SLC30A1: variants seen among roughly 807,000 people sequenced by gnomAD.
The protein encoded by SLC30A1 is solute carrier family 30 member 1, also known as proton-coupled zinc antiporter SLC30A1.
In SLC30A1, 7 loss-of-function variants were observed where a neutral mutation model predicts 29.8. That is an observed-to-expected ratio of 0.23 (90% CI 0.13 to 0.44). SLC30A1 has a LOEUF of 0.44. Ranked by LOEUF, SLC30A1 falls within the 20% of genes least tolerant of loss-of-function variation. The pLI is 1.00. For synonymous variants in SLC30A1, 254 were observed against 253.5 expected (o/e 1.00, Z -0.02); for missense variants, 446 against 647.9 (o/e 0.69, Z 3.38).
In SLC30A1 at chr1:211,575,434, A is replaced by G. The variant is rs1211552307; in HGVS notation, c.1478T>C (p.Ile493Thr). 3 of 1,610,902 alleles carry G rather than the reference A, an allele frequency of 1.9e-6. No homozygotes were observed. In the African/African-American group the frequency reaches 4.0e-5, roughly 22 times the overall value. The change falls in exon 2 of 2, where the codon ATA becomes ACA. Residue 493 changes from isoleucine to threonine, a missense_variant. Ile to Thr is a moderately conservative substitution (Grantham distance 89). Around this residue, in one of 5 missense-constraint regions of SLC30A1, gnomAD observed 187 missense variants for 312.7 expected, o/e 0.60. Transcript: ENST00000367001. This position sits in a 1 kb window ranked among gnomAD's most constrained non-coding sequence, Gnocchi z 6.0. ...TKAENIPAVV[I>T]EIKNMPNKQP... ...TTTGTTTGGCATGTTTTTAATCTCTATCACAACAGCAGGGATGTTTTCAGC... is the reference window on the plus strand; with the variant it reads ...TTTGTTTGGCATGTTTTTAATCTCTGTCACAACAGCAGGGATGTTTTCAGC...
Position 211,574,907 on chromosome 1 carries a change from T to C in SLC30A1, c.*481A>G, listed in dbSNP as rs1162684397. Reference sequence around the variant, plus strand: ...AGTCACTCTTAAAATATGCTGCCATTATGCTATGTAATGATCTCAAAGGGC... The same window carrying C: ...AGTCACTCTTAAAATATGCTGCCATCATGCTATGTAATGATCTCAAAGGGC... On this transcript the variant is annotated 3_prime_UTR_variant, in exon 2 of 2. Coordinates refer to ENST00000367001, the MANE Select transcript of SLC30A1 (RefSeq NM_021194.3). The C allele has an allele frequency of 6.5e-6, 1 of 154,542 alleles. No individual in the cohort carries two copies. Among genetic ancestry groups the C allele is most frequent in the Non-Finnish European group, 1.4e-5 (1 of 69,594 alleles). 9.6% of individuals were successfully genotyped at this position (154,542 alleles called of 1,614,324 possible). A position where few individuals can be genotyped will look rare whatever the true frequency, so the allele number is the denominator to read the frequency against.
Position 211,576,275 on chromosome 1 carries a change from TG to T in SLC30A1, c.636del (p.Arg213GlufsTer10). ...TGTACTTCCACTGTATCACCACTTCTGGGGTTTTCTGGGTCTACAAAGAAAT... is the reference window on the plus strand; with the variant it reads ...TGTACTTCCACTGTATCACCACTTCTGGGTTTTCTGGGTCTACAAAGAAAT... The part of the protein sequence containing the change: ...LKLDPADPEN[P>X]RSGDTVEVQV... On this transcript the variant is annotated frameshift_variant, in exon 2 of 2. Transcript: ENST00000367001. LOFTEE classifies it high-confidence loss of function. 6.4e-7 allele frequency: 1 copy of T among 1,573,124 alleles called. No individual in the cohort carries two copies. Among genetic ancestry groups the T allele is most frequent in the Non-Finnish European group, 8.6e-7 (1 of 1,162,934 alleles).
In SLC30A1 at chr1:211,578,237, C is replaced by T. The variant is rs761237592; in HGVS notation, c.376G>A (p.Val126Ile). The T allele has an allele frequency of 1.9e-6, 3 of 1,611,822 alleles. No individual in the cohort carries two copies. Among genetic ancestry groups the T allele is most frequent in the African/African-American group, 2.7e-5 (2 of 75,042 alleles). The change falls in exon 1 of 2, where the codon GTC (valine) becomes ATC (isoleucine). Residue 126 changes from valine to isoleucine, a missense_variant. Transcript: ENST00000367001. ...VLGVGVAGLL[V>I]NVLGLCLFHH... is the part of the protein sequence containing the mutation. Reference sequence around the variant, plus strand: ...AAGAGGCAGAGCCCCAGCACGTTGACCAGCAGCCCGGCCACGCCGACCCCA... The same window carrying T: ...AAGAGGCAGAGCCCCAGCACGTTGATCAGCAGCCCGGCCACGCCGACCCCA...
chr1:211,575,499 T>C lies in SLC30A1; in HGVS notation c.1413A>G (p.Glu471=), dbSNP rs749019296. Residue 471 remains glutamate (E), a synonymous_variant, in exon 2 of 2, where the codon GAA becomes GAG. Transcript: ENST00000367001. This position sits in a 1 kb window ranked among gnomAD's most constrained non-coding sequence, Gnocchi z 6.0. The part of the protein sequence containing the change: ...KTPAVSISCL[E]LSNNLEKKPR... ...GCTTCTTCTCTAGATTGTTACTAAG[T>C]TCTAAACAAGAAATGCTAACTGCTG... is the stretch of plus-strand genomic sequence containing the variant. 5 of 1,614,196 alleles carry C rather than the reference T, an allele frequency of 3.1e-6. No homozygotes were observed. The South Asian group carries it at 4.4e-5, about 14-fold the overall frequency.
In SLC30A1 at chr1:211,577,738, C is replaced by T. The variant is rs968486856; in HGVS notation, c.622+253G>A. ...TGATGATCACCTCCTGACCCTTTTT[C>T]TTAGGGTCTGACCCACAGCCCCCAC... On this transcript the variant is annotated intron_variant, in intron 1 of 1. Transcript: ENST00000367001. This position sits in a 1 kb window ranked among gnomAD's most constrained non-coding sequence, Gnocchi z 4.5. Among the ~76,000 whole-genome samples the T allele has an allele frequency of 6.6e-6, 1 of 152,224 alleles. No homozygotes were observed. The highest frequency in any genetic ancestry group is 2.4e-5 in the African/African-American group (1 of 41,444).
At position 211,578,208 on chromosome 1, in the gene SLC30A1, G is replaced by C. The variant is rs1368436085; in HGVS notation, c.405C>G (p.His135Gln). The change falls in exon 1 of 2, where the codon CAC (histidine) becomes CAG (glutamine). Residue 135 changes from histidine (H) to glutamine (Q), a missense_variant. By Grantham distance (24) the His-to-Gln change is conservative. This residue lies in a region of SLC30A1 where 159 missense variants were observed against 161.1 expected (regional missense o/e 0.99). Coordinates refer to ENST00000367001, the MANE Select transcript of SLC30A1 (RefSeq NM_021194.3). ...AGTCCTGGCTGAAGCCGCTGTGATGGTGGAAGAGGCAGAGCCCCAGCACGT... is the reference window on the plus strand; with the variant it reads ...AGTCCTGGCTGAAGCCGCTGTGATGCTGGAAGAGGCAGAGCCCCAGCACGT... ...LVNVLGLCLFHHHSGFSQDSG... is the reference protein window; with the variant it reads ...LVNVLGLCLFQHHSGFSQDSG... 1.2e-6 allele frequency: 2 copies of C among 1,611,226 alleles called. No homozygotes were observed. Among genetic ancestry groups the C allele is most frequent in the East Asian group, 4.5e-5 (2 of 44,810 alleles).
rs1706688394 is a variant in SLC30A1 at position 211,574,065 on chromosome 1, T to C, written c.*1323A>G. The C allele has an allele frequency of 2.0e-5, 3 of 152,510 alleles. No homozygotes were observed. The South Asian group carries it at 6.2e-4, about 32-fold the overall frequency. 9.4% of individuals were successfully genotyped at this position (152,510 alleles called of 1,614,324 possible). A position where few individuals can be genotyped will look rare whatever the true frequency, so the allele number is the denominator to read the frequency against. On this transcript the variant is annotated 3_prime_UTR_variant, in exon 2 of 2. Coordinates refer to ENST00000367001, the MANE Select transcript of SLC30A1 (RefSeq NM_021194.3). ...GAAAAATAGAGCTATACATAACTGA[T>C]GCTAATATTAATCCTTTCAAGGACA...
Position 211,578,698 on chromosome 1 carries a change from A to T in SLC30A1, c.-86T>A. On this transcript the variant is annotated 5_prime_UTR_variant, in exon 1 of 2. Transcript: ENST00000367001. ...GGGACGCGGAGGGTCGGCGACCGCGACACGGAGGAGCGCCCGAGTCGGGCC... is the reference window on the plus strand; with the variant it reads ...GGGACGCGGAGGGTCGGCGACCGCGTCACGGAGGAGCGCCCGAGTCGGGCC... 1 of 1,338,120 alleles carries T rather than the reference A, an allele frequency of 7.5e-7. No individual in the cohort carries two copies. Among genetic ancestry groups the T allele is most frequent in the Non-Finnish European group, 9.7e-7 (1 of 1,033,278 alleles). The allele number at this position is 1,338,120 out of a possible 1,614,324, so 82.9% of individuals were successfully genotyped here.
chr1:211,572,601 T>C lies in SLC30A1; in HGVS notation c.*2787A>G, dbSNP rs1706666831. ...TTGATGGACATTTTTCCTATTCAAG[T>C]TACATACCTTAGTTATTCAACATAC... On this transcript the variant is annotated 3_prime_UTR_variant, in exon 2 of 2. Coordinates refer to ENST00000367001, the MANE Select transcript of SLC30A1 (RefSeq NM_021194.3). 1 of 152,122 alleles carries C rather than the reference T, an allele frequency of 6.6e-6. No individual in the cohort carries two copies. Among genetic ancestry groups the C allele is most frequent in the African/African-American group, 2.4e-5 (1 of 41,456 alleles). The allele number at this position is 152,122 out of a possible 1,614,324, so 9.4% of individuals were successfully genotyped here. A position where few individuals can be genotyped will look rare whatever the true frequency, so the allele number is the denominator to read the frequency against.
At position 211,576,254 on chromosome 1, in the gene SLC30A1, C is replaced by T; in HGVS notation, c.658G>A (p.Val220Ile). ...ENPRSGDTVE[V>I]QVNGNLVREP... ...CTGACAAGATTTCCATTCACTTGTA[C>T]TTCCACTGTATCACCACTTCTGGGG... The change falls in exon 2 of 2, where the codon GTA (valine) becomes ATA (isoleucine). Residue 220 changes from valine (V) to isoleucine (I), a missense_variant. Around this residue, in one of 5 missense-constraint regions of SLC30A1, gnomAD observed 159 missense variants for 161.1 expected, o/e 0.99. Transcript: ENST00000367001. 1 of 1,609,566 alleles carries T rather than the reference C, an allele frequency of 6.2e-7. No individual in the cohort carries two copies.
Position 211,574,637 on chromosome 1 carries a change from A to C in SLC30A1, c.*751T>G, listed in dbSNP as rs1279721971. 1 of 152,190 alleles carries C rather than the reference A, an allele frequency of 6.6e-6. No individual in the cohort carries two copies. The highest frequency in any genetic ancestry group is 1.5e-5 in the Non-Finnish European group (1 of 68,002). The allele number at this position is 152,190 out of a possible 1,614,324, so 9.4% of individuals were successfully genotyped here. A position where few individuals can be genotyped will look rare whatever the true frequency, so the allele number is the denominator to read the frequency against. On this transcript the variant is annotated 3_prime_UTR_variant, in exon 2 of 2. Transcript: ENST00000367001. The stretch of plus-strand genomic sequence containing the variant: ...AAAGTAATGCTGGTGAACATGTCCA[A>C]GTTTCAGATTAACTTTGGTAGAATA...
In SLC30A1 at chr1:211,575,389, CACAA is replaced by C; in HGVS notation, c.1519_1522del (p.Leu507GlufsTer3). 6.3e-7 allele frequency: 1 copy of C among 1,577,056 alleles called. No individual in the cohort carries two copies. Among genetic ancestry groups the C allele is most frequent in the Non-Finnish European group, 8.6e-7 (1 of 1,164,278 alleles). Reference sequence around the variant, plus strand: ...CAAATATCACATCTTTTTCAAGACTCACAAAGATGATTCAGGTTGTTTGTTTGGC... The same window carrying C: ...CAAATATCACATCTTTTTCAAGACTCAGATGATTCAGGTTGTTTGTTTGGC... On this transcript the variant is annotated frameshift_variant and stop_lost, in exon 2 of 2. Coordinates refer to ENST00000367001, the MANE Select transcript of SLC30A1 (RefSeq NM_021194.3). LOFTEE classifies it high-confidence loss of function. The surrounding 1 kb of genome is among the most constrained non-coding windows in gnomAD (Gnocchi z 6.0).
chr1:211,576,579 C>A (rs1706721154), intron 1 of SLC30A1, among the ~76,000 whole-genome samples: 1 of 152,104 alleles, frequency 6.6e-6, no homozygotes. Context: ...AGTCCTGCAA[C>A]CATTCTGCTA....
rs572971735 is a variant in SLC30A1, at chr1:211,573,283, A to G, written c.*2105T>C. The G allele has an allele frequency of 3.1e-4, 47 of 152,210 alleles. No homozygotes were observed. Among genetic ancestry groups the G allele is most frequent in the African/African-American group, 1.1e-3 (45 of 41,576 alleles). The allele number at this position is 152,210 out of a possible 1,614,324, so 9.4% of individuals were successfully genotyped here. ...ACTTAAAAATTATGAAAAGTGAAAT[A>G]ACTCAAACCTAAAGGCTGTTATCTT... On this transcript the variant is annotated 3_prime_UTR_variant, in exon 2 of 2. Transcript: ENST00000367001.
At chr1:211,576,376 G>T in intron 1 of SLC30A1, 87 bp from the exon 2 acceptor site, 1 of 906,288 alleles carries the variant, frequency 1.1e-6, no homozygotes, top group Non-Finnish European at 1.6e-6. Context: ...TGGTGATGAA[G>T]GTGAAAATTT....
chr1:211,578,433 G>T lies in SLC30A1; in HGVS notation c.180C>A (p.Phe60Leu). 6.2e-7 allele frequency: 1 copy of T among 1,612,300 alleles called. No individual in the cohort carries two copies. The highest frequency in any genetic ancestry group is 1.1e-5 in the South Asian group (1 of 90,906). The change falls in exon 1 of 2, where the codon TTC (phenylalanine) becomes TTA (leucine). Residue 60 changes from phenylalanine to leucine, a missense_variant. By Grantham distance (22) the Phe-to-Leu change is conservative. Around this residue, in one of 5 missense-constraint regions of SLC30A1, gnomAD observed 62 missense variants for 91.5 expected, o/e 0.68. Transcript: ENST00000367001. ...TCTGGGTGGCGTGGGTCCGCCGGGC[G>T]AAGCGCTCGGCCACCAGCGCCACCA... ...ALVVALVAER[F>L]ARRTHATQKN...
In SLC30A1 at chr1:211,575,529, C is replaced by A. The variant is rs771156173; in HGVS notation, c.1383G>T (p.Lys461Asn). The change falls in exon 2 of 2, where the codon AAG becomes AAT. Residue 461 changes from lysine (K) to asparagine (N), a missense_variant. This residue lies in a region of SLC30A1 where 187 missense variants were observed against 312.7 expected (regional missense o/e 0.60). Transcript: ENST00000367001. This position sits in a 1 kb window ranked among gnomAD's most constrained non-coding sequence, Gnocchi z 6.0. ...AACAAGAAATGCTAACTGCTGGGGT[C>A]TTTTCTGCATCCTTTCCAGAAGGGG... is the stretch of plus-strand genomic sequence containing the variant. ...PQAPSGKDAE[K>N]TPAVSISCLE... 1 of 1,614,172 alleles carries A rather than the reference C, an allele frequency of 6.2e-7. No individual in the cohort carries two copies. Among genetic ancestry groups the A allele is most frequent in the South Asian group, 1.1e-5 (1 of 91,076 alleles).
rs1464439845 is a variant in SLC30A1, at chr1:211,574,707, T to C, written c.*681A>G. On this transcript the variant is annotated 3_prime_UTR_variant, in exon 2 of 2. Transcript: ENST00000367001. Reference sequence around the variant, plus strand: ...ATAATTTAGAAATGTAGTCTCAATATTATCATACAATAACCTAAATATTTA... The same window carrying C: ...ATAATTTAGAAATGTAGTCTCAATACTATCATACAATAACCTAAATATTTA... 1.3e-5 allele frequency: 2 copies of C among 152,164 alleles called. No individual in the cohort carries two copies. The highest frequency in any genetic ancestry group is 2.9e-5 in the Non-Finnish European group (2 of 67,992). The allele number at this position is 152,164 out of a possible 1,614,324, so 9.4% of individuals were successfully genotyped here.
rs1391546294 is a variant in SLC30A1, at chr1:211,575,187, G to A, written c.*201C>T. The A allele has an allele frequency of 1.1e-5, 6 of 536,954 alleles. No individual in the cohort carries two copies. Among genetic ancestry groups the A allele is most frequent in the Non-Finnish European group, 1.9e-5 (6 of 307,952 alleles). 33.3% of individuals were successfully genotyped at this position (536,954 alleles called of 1,614,324 possible). ...GGCTTTCCAAAACAGTCACAGCATAGCTGTACTCTGTACTAATAATCACAA... is the reference window on the plus strand; with the variant it reads ...GGCTTTCCAAAACAGTCACAGCATAACTGTACTCTGTACTAATAATCACAA... On this transcript the variant is annotated 3_prime_UTR_variant, in exon 2 of 2. Coordinates refer to ENST00000367001, the MANE Select transcript of SLC30A1 (RefSeq NM_021194.3). This position sits in a 1 kb window ranked among gnomAD's most constrained non-coding sequence, Gnocchi z 6.0.
Sources: gnomAD v4.1 joint callset for allele counts (sites outside exome capture counted in the v4.1 genomes callset) on GRCh38, gnomAD v4.1.1 for gene constraint, gnomAD v4.1.1 regional missense constraint, Gnocchi (gnomAD v3.1) non-coding constraint, MANE v1.5 for transcripts, NCBI Gene and HGNC (gene_info 2026-07-23, HGNC 2026-07-21) for gene names.